Variants in SH3RF1 observed in about 807,000 individuals in gnomAD.
The protein encoded by SH3RF1 is E3 ubiquitin-protein ligase SH3RF1.
SH3RF1 carries 32 observed loss-of-function variants against 74.0 expected under a neutral mutation model. The observed-to-expected ratio is 0.43, with a 90% CI of 0.33 to 0.58. The LOEUF (loss-of-function observed/expected upper bound fraction) is 0.58. SH3RF1 is among the 20% of genes least tolerant of loss of function. The probability of loss-of-function intolerance (pLI) is 0.05; values close to 1 mark genes in which losing one functional copy is unlikely to be tolerated. For synonymous variants in SH3RF1, 396 were observed against 439.6 expected, an observed-to-expected ratio of 0.90 and a Z score of 1.24; for missense variants, 954 against 1,130.9, an observed-to-expected ratio of 0.84 and a Z score of 2.24.
At chr4:169,143,639 C>T (rs1733822494) in intron 4 of SH3RF1, among the ~76,000 whole-genome samples, 2 of 152,144 alleles carry the variant, frequency 1.3e-5, no homozygotes, top group African/African-American at 2.4e-5. Context: ...CTGGCAGCAA[C>T]TACAAGGGTT....
At chr4:169,250,705 G>A (rs1291416974) in intron 2 of SH3RF1, among the ~76,000 whole-genome samples, 4 of 152,062 alleles carry the variant, frequency 2.6e-5, no homozygotes, top group Non-Finnish European at 4.4e-5. Context: ...GGGGTAGGAG[G>A]GATTAAACAA....
At chr4:169,115,101 C>A (rs958488810) in intron 10 of SH3RF1, among the ~76,000 whole-genome samples, 14 of 152,144 alleles carry the variant, frequency 9.2e-5, no homozygotes, top group Non-Finnish European at 1.8e-4. Context: ...ATCGGTTATT[C>A]TTTCCAATAT....
rs1024093401 is a variant in SH3RF1 at position 169,145,905 on chromosome 4, CTA to C, written c.766-9287_766-9286del. 1.2e-4 allele frequency among the ~76,000 whole-genome samples: 16 copies of C among 128,460 alleles called. 1 individual carries two copies. The highest frequency in any genetic ancestry group is 2.4e-4 in the Non-Finnish European group (15 of 63,520). The allele number at this position is 128,460 out of a possible 152,430, so 84.3% of individuals were successfully genotyped here. A position where few individuals can be genotyped will look rare whatever the true frequency, so the allele number is the denominator to read the frequency against. ...TATTCTATATAAAATATTACATATT[CTA>C]TATATTATTCTATATAAAATATTAC... On this transcript the variant is annotated intron_variant, in intron 4 of 11. Coordinates refer to ENST00000284637, the MANE Select transcript of SH3RF1 (RefSeq NM_020870.4).
intron 1 of SH3RF1, among the ~76,000 whole-genome samples, 157 bp from the exon 2 acceptor site, chr4:169,269,464 G>C (rs1247935330): frequency 9.9e-5 from 15 of 152,188 alleles, no homozygotes; most frequent in Non-Finnish European, 1.5e-5. Flanking sequence ...AAACTCCAAA[G>C]TCAACAACTG....
chr4:169,260,127 G>A (rs1731254247), intron 2 of SH3RF1, among the ~76,000 whole-genome samples: 1 of 152,152 alleles, frequency 6.6e-6, no homozygotes, highest in African/African-American at 2.4e-5. Flanking sequence ...GAGAGCTGGG[G>A]GCTCGTGGAA....
At chr4:169,204,674 CT>C (rs1730211439) in intron 2 of SH3RF1, among the ~76,000 whole-genome samples, 4 of 151,856 alleles carry the variant, frequency 2.6e-5, no homozygotes, top group East Asian at 1.9e-4. Context: ...CCTCAGCCCC[CT>C]GAGTAGCTGG....
chr4:169,166,963 G>T, intron 2 of SH3RF1: 2 of 226,682 alleles, frequency 8.8e-6, no homozygotes, highest in South Asian at 1.3e-4. Flanking sequence ...TGATATCTTC[G>T]ACACGGAAAA....
chr4:169,174,273 G>A (rs1462006841), intron 2 of SH3RF1, among the ~76,000 whole-genome samples: 1 of 152,104 alleles, frequency 6.6e-6, no homozygotes, highest in African/African-American at 2.4e-5. Context: ...TGTTGCCTAG[G>A]CTGCTCTCAA....
At chr4:169,262,317 C>A (rs758523066) in intron 2 of SH3RF1, among the ~76,000 whole-genome samples, 1 of 152,032 alleles carries the variant, frequency 6.6e-6, no homozygotes, top group Non-Finnish European at 1.5e-5. Flanking sequence ...TTTTTTTTTA[C>A]AACCAGAATG....
chr4:169,131,195 T>C (rs908402710), intron 5 of SH3RF1, among the ~76,000 whole-genome samples: 3 of 152,196 alleles, frequency 2.0e-5, no homozygotes, highest in Admixed American at 2.0e-4. Flanking sequence ...ATAATCAGCA[T>C]CATGGCATGT....
chr4:169,102,959 T>A (rs539943524), intron 11 of SH3RF1, among the ~76,000 whole-genome samples: 8 of 141,814 alleles, frequency 5.6e-5, no homozygotes, highest in Non-Finnish European at 1.1e-4. Context: ...TCTCGCTCTG[T>A]CAGGCTGGAT....
intron 2 of SH3RF1, among the ~76,000 whole-genome samples, chr4:169,162,834 G>T (rs758043700): frequency 6.6e-6 from 1 of 152,124 alleles, no homozygotes; most frequent in Admixed American, 6.5e-5. Context: ...TCAAGAATGT[G>T]GGCTGACCAA....
At chr4:169,251,796 T>C (rs1731109785) in intron 2 of SH3RF1, among the ~76,000 whole-genome samples, 1 of 152,244 alleles carries the variant, frequency 6.6e-6, no homozygotes, top group Non-Finnish European at 1.5e-5. Flanking sequence ...AACTGCTTCA[T>C]TACTTTTGAC....
chr4:169,117,636 A>C lies in SH3RF1; in HGVS notation c.1664T>G (p.Val555Gly). 2 of 1,614,190 alleles carry C rather than the reference A, an allele frequency of 1.2e-6. No individual in the cohort carries two copies. Among genetic ancestry groups the C allele is most frequent in the Non-Finnish European group, 1.7e-6 (2 of 1,180,038 alleles). Residue 555 changes from valine (V) to glycine (G), a missense_variant, in exon 9 of 12, where the codon GTC becomes GGC. Physicochemically the swap from Val to Gly is moderately radical, Grantham distance 109 (BLOSUM62 -3). Transcript: ENST00000284637. ...GNGVAGSPSV[V>G]PAAVVSAAHI... ...AGCTGCTGATACCACAGCTGCGGGGACAACACTGGGACTCCCAGCCACGCC... is the reference window on the plus strand; with the variant it reads ...AGCTGCTGATACCACAGCTGCGGGGCCAACACTGGGACTCCCAGCCACGCC...
At chr4:169,224,393 C>T (rs867535842) in intron 2 of SH3RF1, among the ~76,000 whole-genome samples, 9 of 151,640 alleles carry the variant, frequency 5.9e-5, no homozygotes, top group African/African-American at 1.7e-4. Context: ...TCTTGGCTCA[C>T]TGCAACCTCC....
intron 2 of SH3RF1, among the ~76,000 whole-genome samples, chr4:169,235,628 A>G (rs2706745): frequency 0.48 from 72,278 of 152,042 alleles, 18,213 homozygotes; most frequent in East Asian, 0.78. Context: ...ATATAATAAT[A>G]TGCCATATTA....
At chr4:169,251,573 G>C (rs1023074197) in intron 2 of SH3RF1, among the ~76,000 whole-genome samples, 1 of 152,216 alleles carries the variant, frequency 6.6e-6, no homozygotes, top group Non-Finnish European at 1.5e-5. Flanking sequence ...TCTGAGGTTG[G>C]CTTTCGTCCT....
At chr4:169,130,737 A>T (rs895470548) in intron 5 of SH3RF1, among the ~76,000 whole-genome samples, 10 of 152,218 alleles carry the variant, frequency 6.6e-5, no homozygotes, top group Admixed American at 6.5e-4. Context: ...AAGCCAAATT[A>T]GTTGTTTTCA....
intron 2 of SH3RF1, among the ~76,000 whole-genome samples, chr4:169,216,334 G>GT (rs1730463462): frequency 6.6e-6 from 1 of 152,120 alleles, no homozygotes; most frequent in African/African-American, 2.4e-5. Context: ...AAATTATGAA[G>GT]TTTAAGCATT....
Sources: allele counts gnomAD v4.1 joint callset (sites outside exome capture counted in the v4.1 genomes callset), GRCh38; gene constraint gnomAD v4.1.1; transcripts MANE v1.5; gene names NCBI Gene and HGNC (gene_info 2026-07-23, HGNC 2026-07-21).